DROSHA: variants seen among roughly 807,000 people sequenced by gnomAD.
The protein encoded by DROSHA is ribonuclease 3.
In DROSHA, 56 loss-of-function variants were observed where a neutral mutation model predicts 181.9. That is an observed-to-expected ratio of 0.31 (90% CI 0.25 to 0.38). The LOEUF (loss-of-function observed/expected upper bound fraction) is 0.38. DROSHA is among the 10% of genes least tolerant of loss of function. DROSHA has a pLI of 1.00. For missense variants in DROSHA, 1,218 were observed against 1,743.5 expected, an observed-to-expected ratio of 0.70 and a Z score of 5.37; for synonymous variants, 524 against 591.2, an observed-to-expected ratio of 0.89 and a Z score of 1.65.
chr5:31,500,124 T>C (rs1475471481), intron 11 of DROSHA, among the ~76,000 whole-genome samples: 10 of 152,278 alleles, frequency 6.6e-5, no homozygotes, highest in Admixed American at 2.0e-4. Context: ...CAGAAGACAA[T>C]GGAAGAACCT....
chr5:31,451,526 T>G lies in DROSHA; in HGVS notation c.2682+7A>C. The G allele has an allele frequency of 6.2e-7, 1 of 1,603,580 alleles. No individual in the cohort carries two copies. Among genetic ancestry groups the G allele is most frequent in the Non-Finnish European group, 8.5e-7 (1 of 1,173,548 alleles). On this transcript the variant is annotated splice_region_variant and intron_variant, in intron 21 of 35. Transcript: ENST00000344624. The stretch of plus-strand genomic sequence containing the variant: ...ATTATGTGAGTTTACAGGAGAATAA[T>G]TCTTACCTGCAACAGACAACGATCT...
rs537322782 is a variant in DROSHA at position 31,427,124 on chromosome 5, T to A, written c.3216+2351A>T. Among the ~76,000 whole-genome samples, 6 of 152,216 alleles carry A rather than the reference T, an allele frequency of 3.9e-5. No individual in the cohort carries two copies. In the South Asian group the frequency reaches 1.2e-3, roughly 32 times the overall value. Reference sequence around the variant, plus strand: ...AGGTATCTGTGAAACACCTGTGAGGTGCCCAGAGGCAACTTGAAAAGACAC... The same window carrying A: ...AGGTATCTGTGAAACACCTGTGAGGAGCCCAGAGGCAACTTGAAAAGACAC... On this transcript the variant is annotated intron_variant, in intron 27 of 35. Coordinates refer to ENST00000344624, the MANE Select transcript of DROSHA (RefSeq NM_001382508.1).
intron 13 of DROSHA, among the ~76,000 whole-genome samples, chr5:31,492,817 G>T (rs569211366): frequency 6.6e-6 from 1 of 152,182 alleles, no homozygotes; most frequent in Non-Finnish European, 1.5e-5. Context: ...GGCTCCAAAC[G>T]TTCTGAATAA....
At chr5:31,423,110 C>G in intron 28 of DROSHA, 166 bp from the exon 29 acceptor site, 1 of 613,392 alleles carries the variant, frequency 1.6e-6, no homozygotes, top group Non-Finnish European at 2.7e-6. Context: ...GAATGGCAAA[C>G]AAATCTAATA....
chr5:31,510,363 CTT>C (rs917058684), intron 9 of DROSHA, among the ~76,000 whole-genome samples: 4 of 152,196 alleles, frequency 2.6e-5, no homozygotes, highest in African/African-American at 9.6e-5. Context: ...ACTCAGGTGT[CTT>C]TGCCCAGTAT....
intron 30 of DROSHA, among the ~76,000 whole-genome samples, chr5:31,412,142 C>G (rs767992988): frequency 2.0e-5 from 3 of 152,188 alleles, no homozygotes; most frequent in Non-Finnish European, 2.9e-5. Flanking sequence ...CATTAACACT[C>G]ATTAACCACT....
intron 10 of DROSHA, among the ~76,000 whole-genome samples, chr5:31,507,866 T>C (rs990140531): frequency 6.6e-6 from 1 of 151,756 alleles, no homozygotes; most frequent in Non-Finnish European, 1.5e-5. Flanking sequence ...TTCCAAAGAG[T>C]AAAAGGAACA....
chr5:31,448,752 T>A, intron 22 of DROSHA, 145 bp from the exon 23 acceptor site: 1 of 636,372 alleles, frequency 1.6e-6, no homozygotes, highest in Non-Finnish European at 2.7e-6. Flanking sequence ...GATAAACAAT[T>A]ATTTAAAACA....
intron 16 of DROSHA, among the ~76,000 whole-genome samples, chr5:31,473,217 G>A (rs941673487): frequency 6.6e-6 from 1 of 152,216 alleles, no homozygotes; most frequent in Non-Finnish European, 1.5e-5. Context: ...AAAAGAGAGT[G>A]TCCTCCTTGG....
At chr5:31,478,935 C>T (rs1363981436) in intron 16 of DROSHA, among the ~76,000 whole-genome samples, 1 of 152,120 alleles carries the variant, frequency 6.6e-6, no homozygotes, top group Non-Finnish European at 1.5e-5. Context: ...CTTACAGAAA[C>T]AAACAAATGC....
rs201067205 is a variant in DROSHA, at chr5:31,529,000, G to A, written c.20+40C>T. Reference sequence around the variant, plus strand: ...CAGCACCAATGTCTGCTCCTCTCTCGGTTCTCCCAAACTATTGCCATTCCC... The same window carrying A: ...CAGCACCAATGTCTGCTCCTCTCTCAGTTCTCCCAAACTATTGCCATTCCC... On this transcript the variant is annotated intron_variant, in intron 4 of 35. Transcript: ENST00000344624. 1.9e-5 allele frequency: 30 copies of A among 1,610,842 alleles called. No individual in the cohort carries two copies. The Admixed American group carries it at 3.0e-4, about 16-fold the overall frequency.
rs970773905 is a variant in DROSHA at position 31,526,086 on chromosome 5, G to A, written c.847C>T (p.Arg283Trp). The change falls in exon 5 of 36, where the codon CGG becomes TGG. Residue 283 changes from arginine to tryptophan, a missense_variant. Physicochemically the swap from Arg to Trp is moderately radical, Grantham distance 101. Transcript: ENST00000344624. ...TACACACAAGCGGTTTACCTGCTCC[G>A]TTCGTAGCTGCGGTGGCGAGATGGT... ...RTPSRHRSYERSRERERERHR... is the reference protein window; with the variant it reads ...RTPSRHRSYEWSRERERERHR... 11 of 1,588,670 alleles carry A rather than the reference G, an allele frequency of 6.9e-6. No homozygotes were observed. Among genetic ancestry groups the A allele is most frequent in the African/African-American group, 1.3e-5 (1 of 74,508 alleles).
intron 35 of DROSHA, among the ~76,000 whole-genome samples, chr5:31,404,682 C>T (rs1740435791): frequency 6.6e-6 from 1 of 152,136 alleles, no homozygotes; most frequent in African/African-American, 2.4e-5. Context: ...TTACAAAAGA[C>T]TATGCAGTTT....
At chr5:31,529,726 A>C (rs143234559) in intron 3 of DROSHA, among the ~76,000 whole-genome samples, 6,386 of 146,976 alleles carry the variant, frequency 0.043, 420 homozygotes, top group African/African-American at 0.15. Flanking sequence ...CAGTCTCAAA[A>C]AAACAAACAA....
chr5:31,405,302 G>T (rs576351244), intron 35 of DROSHA, among the ~76,000 whole-genome samples: 7 of 151,780 alleles, frequency 4.6e-5, no homozygotes, highest in African/African-American at 1.7e-4. Context: ...CTGGACCGGG[G>T]AGGCAGAGGT....
intron 12 of DROSHA, among the ~76,000 whole-genome samples, chr5:31,493,902 C>T (rs1048194050): frequency 6.6e-5 from 10 of 150,734 alleles, no homozygotes; most frequent in African/African-American, 2.5e-4. Context: ...AAGCATGAAG[C>T]CCTCTATTCC....
intron 30 of DROSHA, among the ~76,000 whole-genome samples, chr5:31,418,219 G>A (rs1184288277): frequency 7.6e-6 from 1 of 131,488 alleles, no homozygotes; most frequent in East Asian, 2.2e-4. Context: ...TGTGTGTGTG[G>A]TGTGTGTGTG....
intron 23 of DROSHA, among the ~76,000 whole-genome samples, 174 bp downstream of exon 23, chr5:31,448,373 T>G (rs934448588): frequency 6.6e-6 from 1 of 152,196 alleles, no homozygotes; most frequent in Admixed American, 6.5e-5. Context: ...AGATTACTAA[T>G]GAGTACAGGG....
chr5:31,437,328 T>G (rs201552172), intron 23 of DROSHA, 30 bp from the exon 24 acceptor site: 3 of 1,547,272 alleles, frequency 1.9e-6, no homozygotes, highest in Non-Finnish European at 2.6e-6. Context: ...GGTTACTTAA[T>G]ACAGCATATT....
Sources: gnomAD v4.1 joint callset for allele counts (sites outside exome capture counted in the v4.1 genomes callset) on GRCh38, gnomAD v4.1.1 for gene constraint, MANE v1.5 for transcripts, NCBI Gene and HGNC (gene_info 2026-07-23, HGNC 2026-07-21) for gene names.